The following REC114 variants were observed in gnomAD, a reference collection of about 807,000 sequenced individuals.
The protein encoded by REC114 is meiotic recombination protein REC114.
A neutral mutation model predicts 31.3 loss-of-function variants in REC114; 27 were observed. That is an observed-to-expected ratio of 0.86 (90% CI 0.64 to 1.19). REC114 has a LOEUF of 1.19. Ranked by LOEUF, REC114 falls within the 50% of genes most tolerant of loss-of-function variation. The pLI is 0.00. For missense variants in REC114, 344 were observed against 326.9 expected (o/e 1.05, Z -0.40); for synonymous variants, 134 against 127.7 (o/e 1.05, Z -0.33).
chr15:73,531,427 G>C (rs1192792878), intron 2 of REC114, among the ~76,000 whole-genome samples: 1 of 152,154 alleles, frequency 6.6e-6, no homozygotes, highest in African/African-American at 2.4e-5. Flanking sequence ...GGAGTGCATG[G>C]ATGACCACAA....
At chr15:73,537,494 CTGA>C (rs149877368) in intron 2 of REC114, among the ~76,000 whole-genome samples, 20,568 of 152,094 alleles carry the variant, frequency 0.14, 2,171 homozygotes, top group African/African-American at 0.29. Context: ...GTATCCCCCC[CTGA>C]ATCAACTCCA....
chr15:73,559,932 T>G lies in REC114; in HGVS notation c.*16T>G. On this transcript the variant is annotated 3_prime_UTR_variant, in exon 6 of 6. Transcript: ENST00000331090. The stretch of plus-strand genomic sequence containing the variant: ...GAGAAATTAATGCTCTATATACATA[T>G]ATAACTAAGGAACTTCAAAGTATTG... 6.4e-7 allele frequency: 1 copy of G among 1,568,422 alleles called. No homozygotes were observed.
At position 73,517,327 on chromosome 15, in the gene REC114, A is replaced by G. The variant is rs114179532; in HGVS notation, c.250-23158A>G. 5.6e-3 allele frequency among the ~76,000 whole-genome samples: 853 copies of G among 152,308 alleles called. 6 individuals carry two copies. The highest frequency in any genetic ancestry group is 0.02 in the African/African-American group (813 of 41,566). On this transcript the variant is annotated intron_variant, in intron 2 of 5. Transcript: ENST00000331090. ...AAAGGTATCTCTCAAACAAAGAAAA[A>G]AAATTTTTTTAAAAGGTATCTCTCA...
At chr15:73,533,450 A>G (rs1415847868) in intron 2 of REC114, among the ~76,000 whole-genome samples, 2 of 140,470 alleles carry the variant, frequency 1.4e-5, no homozygotes, top group Non-Finnish European at 3.0e-5. Context: ...AGGCCATTAC[A>G]TAATGGTAAA....
chr15:73,448,358 C>G, intron 1 of REC114, among the ~76,000 whole-genome samples: 1 of 152,174 alleles, frequency 6.6e-6, no homozygotes, highest in East Asian at 1.9e-4. Flanking sequence ...TGGTTTTACC[C>G]TTACAGTGTA....
intron 3 of REC114, among the ~76,000 whole-genome samples, chr15:73,541,387 T>A (rs1399190263): frequency 6.6e-6 from 1 of 152,220 alleles, no homozygotes; most frequent in Non-Finnish European, 1.5e-5. Flanking sequence ...ATGTTTATGC[T>A]CATCACTACC....
chr15:73,523,675 T>TTGGAACGTATCAGCTGG (rs1893967614), intron 2 of REC114, among the ~76,000 whole-genome samples: 2 of 152,232 alleles, frequency 1.3e-5, no homozygotes, highest in Admixed American at 1.3e-4. Context: ...TAACGTTGCC[T>TTGGAACGTATCAGCTGG]TTGGAAGAGC....
chr15:73,542,380 C>G (rs911761014), intron 3 of REC114, among the ~76,000 whole-genome samples: 1 of 151,680 alleles, frequency 6.6e-6, no homozygotes, highest in Non-Finnish European at 1.5e-5. Context: ...AGAGACAGGC[C>G]CTTGCTAGCA....
At chr15:73,507,009 T>A (rs1021551785) in intron 2 of REC114, among the ~76,000 whole-genome samples, 1 of 152,140 alleles carries the variant, frequency 6.6e-6, no homozygotes, top group Non-Finnish European at 1.5e-5. Context: ...AAGAAAAGAT[T>A]GATAAAGCTT....
chr15:73,514,183 T>C (rs1398331498), intron 2 of REC114, among the ~76,000 whole-genome samples: 2 of 151,360 alleles, frequency 1.3e-5, no homozygotes, highest in Non-Finnish European at 2.9e-5. Context: ...AAGCGCAATA[T>C]TCGGGTGGGA....
intron 1 of REC114, among the ~76,000 whole-genome samples, chr15:73,456,586 G>T (rs1048326708): frequency 1.3e-5 from 2 of 152,046 alleles, no homozygotes; most frequent in African/African-American, 4.8e-5. Context: ...GTATGGTGTG[G>T]TAATTTTCCT....
chr15:73,449,495 G>A (rs1281817911), intron 1 of REC114, among the ~76,000 whole-genome samples: 1 of 152,178 alleles, frequency 6.6e-6, no homozygotes, highest in Non-Finnish European at 1.5e-5. Context: ...ATGGGACTAT[G>A]TGAAAAGACC....
At chr15:73,520,356 A>G (rs1254187992) in intron 2 of REC114, among the ~76,000 whole-genome samples, 2 of 152,010 alleles carry the variant, frequency 1.3e-5, no homozygotes, top group Admixed American at 6.5e-5. Context: ...TCAGCCTCCT[A>G]AGTAGCTGGG....
chr15:73,444,203 G>A (rs1432896986), intron 1 of REC114, among the ~76,000 whole-genome samples: 1 of 152,204 alleles, frequency 6.6e-6, no homozygotes, highest in Non-Finnish European at 1.5e-5. Flanking sequence ...GGTTGCTGTG[G>A]CAATTTCTTA....
chr15:73,448,575 A>G (rs1429028579), intron 1 of REC114, among the ~76,000 whole-genome samples: 2 of 152,232 alleles, frequency 1.3e-5, no homozygotes, highest in Non-Finnish European at 2.9e-5. Context: ...GCACAGCTTC[A>G]GCAGACTTAA....
intron 2 of REC114, among the ~76,000 whole-genome samples, chr15:73,530,822 C>A (rs994247692): frequency 7.2e-5 from 11 of 151,836 alleles, no homozygotes; most frequent in Non-Finnish European, 1.0e-4. Flanking sequence ...GAAACACAAC[C>A]CTGAAGCTTA....
At chr15:73,462,360 T>C (rs1893000763) in intron 1 of REC114, among the ~76,000 whole-genome samples, 1 of 152,094 alleles carries the variant, frequency 6.6e-6, no homozygotes, top group African/African-American at 2.4e-5. Flanking sequence ...CTGGATTATG[T>C]TAGGTGTTAT....
chr15:73,485,631 T>G (rs1448884481), intron 2 of REC114, among the ~76,000 whole-genome samples: 2 of 152,208 alleles, frequency 1.3e-5, no homozygotes, highest in African/African-American at 4.8e-5. Context: ...ACCACCTTGC[T>G]CCTGCTCTTG....
chr15:73,480,937 C>G (rs1225773447), intron 2 of REC114, among the ~76,000 whole-genome samples: 1 of 152,168 alleles, frequency 6.6e-6, no homozygotes, highest in Non-Finnish European at 1.5e-5. Context: ...CTTGGCCTCC[C>G]AAAGTGCTGG....
Sources: allele counts gnomAD v4.1 joint callset (sites outside exome capture counted in the v4.1 genomes callset), GRCh38; gene constraint gnomAD v4.1.1; transcripts MANE v1.5; gene names NCBI Gene and HGNC (gene_info 2026-07-23, HGNC 2026-07-21).